The following RIMS1 variants were observed in gnomAD, a reference collection of about 807,000 sequenced individuals.
RIMS1 encodes the protein regulating synaptic membrane exocytosis 1.
In RIMS1, 83 loss-of-function variants were observed where a neutral mutation model predicts 214.1. That is an observed-to-expected ratio of 0.39 (90% CI 0.32 to 0.47). RIMS1 has a LOEUF of 0.47. Among genes scored for constraint, RIMS1 ranks in the 20% least tolerant of loss-of-function variants. The pLI is 0.99. For missense variants in RIMS1, 2,050 were observed against 2,161.8 expected (o/e 0.95, Z 1.03); for synonymous variants, 793 against 786.8 (o/e 1.01, Z -0.13).
At chr6:72,125,629 C>T (rs1454257825) in intron 4 of RIMS1, among the ~76,000 whole-genome samples, 1 of 152,228 alleles carries the variant, frequency 6.6e-6, no homozygotes, top group Non-Finnish European at 1.5e-5. Flanking sequence ...CACTGAGCTG[C>T]AGTGGGGTCC....
chr6:71,897,668 T>G (rs1772239773), intron 1 of RIMS1, among the ~76,000 whole-genome samples: 1 of 152,154 alleles, frequency 6.6e-6, no homozygotes, highest in South Asian at 2.1e-4. Context: ...GATTGTTTTA[T>G]TTGATTTTTC....
intron 4 of RIMS1, among the ~76,000 whole-genome samples, chr6:72,143,607 A>G (rs2042344334): frequency 6.6e-6 from 1 of 152,202 alleles, no homozygotes; most frequent in African/African-American, 2.4e-5. Context: ...GAAGGCAGAG[A>G]AAGGAAGGTT....
chr6:72,382,909 A>G (rs2098517003), intron 29 of RIMS1, among the ~76,000 whole-genome samples: 1 of 152,220 alleles, frequency 6.6e-6, no homozygotes, highest in African/African-American at 2.4e-5. Context: ...AATAAGTCCA[A>G]TACTGTCTGC....
chr6:72,325,878 G>T (rs2096438587), intron 28 of RIMS1, among the ~76,000 whole-genome samples: 1 of 151,728 alleles, frequency 6.6e-6, no homozygotes, highest in African/African-American at 2.4e-5. Flanking sequence ...CCTTTAGGAG[G>T]TATTTAATGC....
intron 4 of RIMS1, among the ~76,000 whole-genome samples, chr6:72,165,614 T>C (rs964882415): frequency 2.4e-4 from 37 of 152,214 alleles, no homozygotes; most frequent in African/African-American, 8.9e-4. Flanking sequence ...GAGGTTTATG[T>C]CCTGTTACCC....
chr6:72,231,714 G>C (rs986046470), intron 6 of RIMS1, among the ~76,000 whole-genome samples: 3 of 151,618 alleles, frequency 2.0e-5, no homozygotes, highest in Non-Finnish European at 4.4e-5. Context: ...TGATAGCACT[G>C]TTTTCATAAT....
At chr6:72,161,895 C>G (rs2045478614) in intron 4 of RIMS1, among the ~76,000 whole-genome samples, 1 of 140,870 alleles carries the variant, frequency 7.1e-6, no homozygotes, top group South Asian at 2.4e-4. Context: ...CTATAGATGT[C>G]TATTAGGTCC....
At chr6:72,276,658 C>T (rs1328381986) in intron 23 of RIMS1, among the ~76,000 whole-genome samples, 1 of 151,994 alleles carries the variant, frequency 6.6e-6, no homozygotes, top group East Asian at 1.9e-4. Flanking sequence ...CACTTTACAT[C>T]TCTTGATACT....
chr6:72,149,790 T>C (rs1467649915), intron 4 of RIMS1, among the ~76,000 whole-genome samples: 2 of 152,194 alleles, frequency 1.3e-5, no homozygotes, highest in Admixed American at 1.3e-4. Context: ...GCAACATCCT[T>C]GATTGAGCCT....
chr6:72,119,988 A>G (rs932359604), intron 4 of RIMS1, among the ~76,000 whole-genome samples: 1 of 151,644 alleles, frequency 6.6e-6, no homozygotes, highest in African/African-American at 2.4e-5. Flanking sequence ...TGAACTCATC[A>G]TTTTTTATGG....
At chr6:72,304,410 C>G (rs896964617) in intron 26 of RIMS1, among the ~76,000 whole-genome samples, 16 of 151,726 alleles carry the variant, frequency 1.1e-4, no homozygotes, top group Admixed American at 8.6e-4. Context: ...ACTAGAGAGA[C>G]AGTCACATTT....
At chr6:72,076,102 T>C (rs900073437) in intron 2 of RIMS1, among the ~76,000 whole-genome samples, 1 of 152,244 alleles carries the variant, frequency 6.6e-6, no homozygotes, top group African/African-American at 2.4e-5. Context: ...TTAATCATTA[T>C]GACTTGAGAG....
intron 3 of RIMS1, among the ~76,000 whole-genome samples, chr6:72,097,812 T>C (rs1396140287): frequency 1.3e-5 from 2 of 152,178 alleles, no homozygotes; most frequent in African/African-American, 4.8e-5. Context: ...TTTAAATAAA[T>C]GCAATTTTTG....
At chr6:71,950,653 A>C (rs1413535752) in intron 1 of RIMS1, among the ~76,000 whole-genome samples, 1 of 152,150 alleles carries the variant, frequency 6.6e-6, no homozygotes, top group Non-Finnish European at 1.5e-5. Context: ...TTCTTCTCTA[A>C]TTTCTGTATG....
At chr6:72,150,780 A>G (rs1192030923) in intron 4 of RIMS1, among the ~76,000 whole-genome samples, 1 of 151,936 alleles carries the variant, frequency 6.6e-6, no homozygotes, top group Non-Finnish European at 1.5e-5. Context: ...TTTCCATTCT[A>G]CTTTTCAGGC....
rs78155261 is a variant in RIMS1 at position 72,113,025 on chromosome 6, C to A, written c.471+13039C>A. 4.8e-3 allele frequency among the ~76,000 whole-genome samples: 726 copies of A among 152,200 alleles called. 3 individuals carry two copies. The highest frequency in any genetic ancestry group is 0.017 in the African/African-American group (712 of 41,552). On this transcript the variant is annotated intron_variant, in intron 4 of 33. Coordinates refer to ENST00000521978, the MANE Select transcript of RIMS1 (RefSeq NM_014989.7). ...GGCACAATCCCTGTACCTTGAGAATCCCAACAGGCAAAGCCCTGCTGTACC... is the reference window on the plus strand; with the variant it reads ...GGCACAATCCCTGTACCTTGAGAATACCAACAGGCAAAGCCCTGCTGTACC...
chr6:72,131,466 G>T (rs772536367), intron 4 of RIMS1, among the ~76,000 whole-genome samples: 1 of 152,100 alleles, frequency 6.6e-6, no homozygotes, highest in Non-Finnish European at 1.5e-5. Context: ...TCACATGTCG[G>T]TATGTTCCGT....
At chr6:72,165,672 A>G (rs1325669628) in intron 4 of RIMS1, among the ~76,000 whole-genome samples, 1 of 152,172 alleles carries the variant, frequency 6.6e-6, no homozygotes, top group Non-Finnish European at 1.5e-5. Flanking sequence ...GAGAAGAGGC[A>G]GATTATTTTA....
At chr6:72,268,326 C>G (rs1380599013) in intron 22 of RIMS1, among the ~76,000 whole-genome samples, 2 of 151,946 alleles carry the variant, frequency 1.3e-5, no homozygotes, top group African/African-American at 4.8e-5. Context: ...TCTAATTTAC[C>G]GCAGGGATTA....
Sources: allele counts gnomAD v4.1 joint callset (sites outside exome capture counted in the v4.1 genomes callset), GRCh38; gene constraint gnomAD v4.1.1; transcripts MANE v1.5; gene names NCBI Gene and HGNC (gene_info 2026-07-23, HGNC 2026-07-21).